The following KCNMB2 variants were observed in gnomAD, a reference collection of about 807,000 sequenced individuals.
KCNMB2 encodes the protein calcium-activated potassium channel subunit beta-2.
KCNMB2 carries 9 observed loss-of-function variants against 24.5 expected under a neutral mutation model. That is an observed-to-expected ratio of 0.37 (90% CI 0.22 to 0.64). The LOEUF (loss-of-function observed/expected upper bound fraction) is 0.64. KCNMB2 is among the 30% of genes least tolerant of loss of function. KCNMB2 has a pLI of 0.63. For missense variants in KCNMB2, 226 were observed against 284.3 expected (o/e 0.79, Z 1.47); for synonymous variants, 109 against 104.4 (o/e 1.04, Z -0.27).
chr3:178,723,559 A>T (rs1173586106), intron 1 of KCNMB2, among the ~76,000 whole-genome samples: 1 of 152,038 alleles, frequency 6.6e-6, no homozygotes, highest in Non-Finnish European at 1.5e-5. Context: ...CATTATGCTG[A>T]AGTTGGGGAT....
chr3:178,753,835 T>A (rs1723930045), intron 1 of KCNMB2, among the ~76,000 whole-genome samples: 1 of 152,122 alleles, frequency 6.6e-6, no homozygotes, highest in Non-Finnish European at 1.5e-5. Context: ...TTTTCAAGAA[T>A]ACAATACATT....
chr3:178,802,677 G>A (rs1360150044), intron 1 of KCNMB2, among the ~76,000 whole-genome samples: 1 of 152,166 alleles, frequency 6.6e-6, no homozygotes, highest in Non-Finnish European at 1.5e-5. Flanking sequence ...TCACTGGCCT[G>A]GAGTGAGATC....
At chr3:178,677,711 C>CCTGAGAGG (rs1256483487) in intron 1 of KCNMB2, among the ~76,000 whole-genome samples, 1 of 152,120 alleles carries the variant, frequency 6.6e-6, no homozygotes, top group African/African-American at 2.4e-5. Context: ...AGGATTACAC[C>CCTGAGAGG]CTGAGAGGTG....
intron 1 of KCNMB2, among the ~76,000 whole-genome samples, chr3:178,645,836 T>C (rs1010023994): frequency 1.3e-5 from 2 of 152,156 alleles, no homozygotes; most frequent in African/African-American, 4.8e-5. Context: ...GCGAAACATA[T>C]GTGTCCAAAA....
intron 1 of KCNMB2, among the ~76,000 whole-genome samples, chr3:178,754,177 T>TATATATATATATATATATATATACAC (rs1435109631): frequency 8.5e-6 from 1 of 117,222 alleles, no homozygotes; most frequent in African/African-American, 3.7e-5. Flanking sequence ...TATATATATA[T>TATATATATATATATATATATATACAC]ACACACACAC....
chr3:178,636,609 C>T (rs1269286161), intron 1 of KCNMB2, among the ~76,000 whole-genome samples: 1 of 152,220 alleles, frequency 6.6e-6, no homozygotes, highest in Non-Finnish European at 1.5e-5. Flanking sequence ...TCTTGAGTAT[C>T]TTGAAGCTTC....
At chr3:178,783,127 C>G (rs961972609) in intron 1 of KCNMB2, among the ~76,000 whole-genome samples, 82 of 152,100 alleles carry the variant, frequency 5.4e-4, no homozygotes, top group African/African-American at 1.9e-3. Context: ...TTTCTGAGGG[C>G]TCTGTTCTGT....
At chr3:178,600,400 C>A (rs984551037) in intron 1 of KCNMB2, among the ~76,000 whole-genome samples, 4 of 152,098 alleles carry the variant, frequency 2.6e-5, no homozygotes, top group African/African-American at 9.7e-5. Context: ...CTCTTTAAGA[C>A]CCTTCAATTA....
intron 1 of KCNMB2, among the ~76,000 whole-genome samples, chr3:178,780,801 T>G (rs1220447733): frequency 6.6e-6 from 1 of 152,242 alleles, no homozygotes; most frequent in African/African-American, 2.4e-5. Context: ...GATAGGGTTA[T>G]CAATGTAATA....
chr3:178,689,086 T>C (rs990665348), intron 1 of KCNMB2, among the ~76,000 whole-genome samples: 1 of 152,156 alleles, frequency 6.6e-6, no homozygotes, highest in Admixed American at 6.5e-5. Flanking sequence ...TTAAACAAAG[T>C]TAGCATTCAG....
intron 1 of KCNMB2, among the ~76,000 whole-genome samples, chr3:178,609,530 G>T (rs1718403180): frequency 6.6e-6 from 1 of 151,744 alleles, no homozygotes; most frequent in Non-Finnish European, 1.5e-5. Context: ...GTGCTTGTAG[G>T]GTATTGTTCA....
intron 1 of KCNMB2, among the ~76,000 whole-genome samples, chr3:178,591,855 G>A (rs969295549): frequency 2.6e-5 from 4 of 152,062 alleles, no homozygotes; most frequent in African/African-American, 9.7e-5. Flanking sequence ...GAAAAGATCA[G>A]GCCCAGCTTT....
In KCNMB2 at chr3:178,836,775, C is replaced by A. The variant is rs185078758; in HGVS notation, c.424-5878C>A. Among the ~76,000 whole-genome samples, 10 of 152,016 alleles carry A rather than the reference C, an allele frequency of 6.6e-5. No homozygotes were observed. In the East Asian group the frequency reaches 1.9e-3, roughly 29 times the overall value. Reference sequence around the variant, plus strand: ...TTAAATATCATACAGAGTCTAAAAGCTAAATCTTCCCGTTCCCACACCTCC... The same window carrying A: ...TTAAATATCATACAGAGTCTAAAAGATAAATCTTCCCGTTCCCACACCTCC... On this transcript the variant is annotated intron_variant, in intron 4 of 4. Transcript: ENST00000452583.
At chr3:178,709,138 C>A (rs1478221070) in intron 1 of KCNMB2, among the ~76,000 whole-genome samples, 4 of 152,234 alleles carry the variant, frequency 2.6e-5, no homozygotes, top group Admixed American at 2.6e-4. Flanking sequence ...GGAGCCGAAG[C>A]CAATTTGTTA....
intron 1 of KCNMB2, among the ~76,000 whole-genome samples, chr3:178,667,260 T>C (rs73044252): frequency 6.5e-4 from 99 of 152,146 alleles, no homozygotes; most frequent in African/African-American, 2.3e-3. Context: ...CCATGTGCTA[T>C]TGTTTGAATG....
chr3:178,828,078 G>C (rs1714903999), intron 3 of KCNMB2, 100 bp from the exon 4 acceptor site: 6 of 934,866 alleles, frequency 6.4e-6, no homozygotes, highest in Non-Finnish European at 9.9e-6. Context: ...ATTTAGAAAA[G>C]ATTTTTCAGC....
chr3:178,805,999 C>T (rs959064037), intron 1 of KCNMB2, among the ~76,000 whole-genome samples: 4 of 152,048 alleles, frequency 2.6e-5, no homozygotes, highest in Admixed American at 6.6e-5. Flanking sequence ...CACATTGGCA[C>T]GCACCGGTAG....
intron 1 of KCNMB2, among the ~76,000 whole-genome samples, chr3:178,588,353 A>G (rs1401546303): frequency 2.0e-5 from 3 of 152,184 alleles, no homozygotes; most frequent in Non-Finnish European, 4.4e-5. Context: ...TGGGAGATTA[A>G]CAATTTTCAG....
chr3:178,734,997 T>A (rs1162593984), intron 1 of KCNMB2, among the ~76,000 whole-genome samples: 1 of 152,264 alleles, frequency 6.6e-6, no homozygotes, highest in Non-Finnish European at 1.5e-5. Flanking sequence ...TCATGATTTA[T>A]CTCTGTAGCA....
Sources: allele counts gnomAD v4.1 joint callset (sites outside exome capture counted in the v4.1 genomes callset), GRCh38; gene constraint gnomAD v4.1.1; transcripts MANE v1.5; gene names NCBI Gene and HGNC (gene_info 2026-07-23, HGNC 2026-07-21).